Variants in PCM1 observed in about 807,000 individuals in gnomAD.
The protein encoded by PCM1 is pericentriolar material 1, also known as pericentriolar material 1 protein.
In PCM1, 157 loss-of-function variants were observed where a neutral mutation model predicts 241.9. The ratio of observed to expected loss-of-function variants is 0.65; its 90% confidence interval spans 0.57 to 0.74. PCM1 has a LOEUF of 0.74. PCM1 is among the 30% of genes least tolerant of loss of function. PCM1 has a pLI of 0.00. For missense variants in PCM1, 3,478 were observed against 2,360.1 expected (o/e 1.47, Z -9.81); for synonymous variants, 1,085 against 784.9 (o/e 1.38, Z -6.39).
intron 6 of PCM1, among the ~76,000 whole-genome samples, chr8:17,946,435 G>C (rs915632356): frequency 6.6e-6 from 1 of 151,836 alleles, no homozygotes; most frequent in Non-Finnish European, 1.5e-5. Context: ...GAAATAGTAG[G>C]TGTGCCTACT....
chr8:18,015,128 C>T (rs1305887422), intron 36 of PCM1, among the ~76,000 whole-genome samples: 1 of 152,078 alleles, frequency 6.6e-6, no homozygotes, highest in East Asian at 1.9e-4. Context: ...CTCCTTTATC[C>T]TTTATACTAC....
At chr8:17,969,403 T>C in intron 21 of PCM1, 174 bp from the exon 22 acceptor site, 1 of 540,254 alleles carries the variant, frequency 1.9e-6, no homozygotes, top group Non-Finnish European at 3.2e-6. Context: ...GCCTAAAACA[T>C]AGTGGCCTAA....
At chr8:17,928,205 A>C (rs374283704) in intron 2 of PCM1, among the ~76,000 whole-genome samples, 1 of 152,020 alleles carries the variant, frequency 6.6e-6, no homozygotes, top group African/African-American at 2.4e-5. Context: ...GATTCAGTGG[A>C]GTGTTTATAT....
chr8:17,951,833 G>A (rs1344958691), intron 8 of PCM1, among the ~76,000 whole-genome samples: 3 of 151,910 alleles, frequency 2.0e-5, no homozygotes, highest in Non-Finnish European at 4.4e-5. Context: ...TGCAAATATG[G>A]GAAAATCTTA....
At chr8:18,016,637 C>CTTAA (rs1354449154) in intron 36 of PCM1, among the ~76,000 whole-genome samples, 2 of 152,164 alleles carry the variant, frequency 1.3e-5, no homozygotes, top group Non-Finnish European at 2.9e-5. Flanking sequence ...AGATGAAAAG[C>CTTAA]TTAAGCAGTG....
At position 18,006,258 on chromosome 8, in the gene PCM1, C is replaced by T. The variant is rs1445010353; in HGVS notation, c.4828-5C>T. ...TATATTCTAACCAACTAGGATTTTTCTCAGGAGCACATGGATGAAGTATGC... is the reference window on the plus strand; with the variant it reads ...TATATTCTAACCAACTAGGATTTTTTTCAGGAGCACATGGATGAAGTATGC... On this transcript the variant is annotated splice_region_variant and splice_polypyrimidine_tract_variant and intron_variant, in intron 29 of 38. Transcript: ENST00000325083. The T allele has an allele frequency of 1.9e-6, 3 of 1,595,460 alleles. No homozygotes were observed. In the East Asian group the frequency reaches 6.7e-5, roughly 36 times the overall value.
At chr8:17,992,209 G>C (rs111574121) in intron 28 of PCM1, among the ~76,000 whole-genome samples, 13 of 152,156 alleles carry the variant, frequency 8.5e-5, no homozygotes, top group African/African-American at 2.7e-4. Context: ...AAACATGCAC[G>C]TGCAAGTATC....
At chr8:17,964,512 C>T (rs1486739239) in intron 17 of PCM1, 56 bp from the exon 18 acceptor site, 5 of 1,312,154 alleles carry the variant, frequency 3.8e-6, no homozygotes, top group African/African-American at 1.5e-5. Flanking sequence ...TAGTAGGTGG[C>T]AGAGTATTTA....
At chr8:18,006,179 T>A in intron 29 of PCM1, 84 bp from the exon 30 acceptor site, 1 of 1,092,448 alleles carries the variant, frequency 9.2e-7, no homozygotes, top group Non-Finnish European at 1.3e-6. Flanking sequence ...AAATTAAAAA[T>A]TAACATTTTG....
intron 14 of PCM1, 71 bp downstream of exon 14, chr8:17,960,236 T>C: frequency 6.4e-7 from 1 of 1,557,950 alleles, no homozygotes; most frequent in African/African-American, 1.4e-5. Flanking sequence ...GGTGCTCAGC[T>C]AGGTACTGTG....
intron 36 of PCM1, among the ~76,000 whole-genome samples, chr8:18,024,274 G>T (rs977128069): frequency 6.6e-6 from 1 of 152,178 alleles, no homozygotes. Flanking sequence ...GCTGAGGCGG[G>T]AGGATCACTT....
chr8:17,973,019 A>C (rs1286166184), intron 23 of PCM1, among the ~76,000 whole-genome samples: 1 of 151,888 alleles, frequency 6.6e-6, no homozygotes, highest in Non-Finnish European at 1.5e-5. Flanking sequence ...CCTGCATCCA[A>C]CTCTTTGGTC....
rs1385142150 is a variant in PCM1, at chr8:18,019,649, G to A, written c.5841+4809G>A. On this transcript the variant is annotated intron_variant, in intron 36 of 38. Coordinates refer to ENST00000325083, the MANE Select transcript of PCM1 (RefSeq NM_006197.4). Reference sequence around the variant, plus strand: ...ATGAGCAGTTCACAATAGGGTTCAAGCTCCTACAAGAATCTGTTGCCGCCA... The same window carrying A: ...ATGAGCAGTTCACAATAGGGTTCAAACTCCTACAAGAATCTGTTGCCGCCA... Among the ~76,000 whole-genome samples, 4 of 152,260 alleles carry A rather than the reference G, an allele frequency of 2.6e-5. No homozygotes were observed. The East Asian group carries it at 7.7e-4, about 29-fold the overall frequency.
intron 29 of PCM1, 101 bp from the exon 30 acceptor site, chr8:18,006,162 G>A (rs1290996961): frequency 6.5e-6 from 6 of 927,232 alleles, no homozygotes; most frequent in Middle Eastern, 2.3e-4. Context: ...GAGCATCTAC[G>A]GCAAGAAAAT....
chr8:17,999,754 G>C (rs1426879131), intron 29 of PCM1, among the ~76,000 whole-genome samples: 1 of 151,908 alleles, frequency 6.6e-6, no homozygotes, highest in African/African-American at 2.4e-5. Context: ...TGCTTTTTTT[G>C]TGTGTAGTTG....
intron 29 of PCM1, among the ~76,000 whole-genome samples, chr8:18,001,524 G>C (rs2089420573): frequency 6.6e-6 from 1 of 152,200 alleles, no homozygotes; most frequent in Admixed American, 6.5e-5. Flanking sequence ...GGCAGATGGA[G>C]ACATGTGCAA....
intron 29 of PCM1, among the ~76,000 whole-genome samples, chr8:17,993,941 G>A (rs143636910): frequency 5.3e-4 from 80 of 151,994 alleles, no homozygotes; most frequent in African/African-American, 1.8e-3. Context: ...TATTTATGGG[G>A]TACATGAAAT....
intron 22 of PCM1, among the ~76,000 whole-genome samples, chr8:17,971,699 C>T (rs1038791231): frequency 5.3e-5 from 8 of 152,148 alleles, no homozygotes; most frequent in Admixed American, 1.3e-4. Flanking sequence ...AGCCATTCTT[C>T]CAACTTTTGG....
intron 26 of PCM1, among the ~76,000 whole-genome samples, chr8:17,988,335 C>G (rs1045759820): frequency 6.6e-6 from 1 of 151,742 alleles, no homozygotes; most frequent in Non-Finnish European, 1.5e-5. Context: ...AGGGAAAGAA[C>G]ACAACTGTAA....
Sources: gnomAD v4.1 joint callset for allele counts (sites outside exome capture counted in the v4.1 genomes callset) on GRCh38, gnomAD v4.1.1 for gene constraint, MANE v1.5 for transcripts, NCBI Gene and HGNC (gene_info 2026-07-23, HGNC 2026-07-21) for gene names.